The following SPAG17 variants were observed in gnomAD, a reference collection of about 807,000 sequenced individuals.
The protein encoded by SPAG17 is sperm associated antigen 17.
A neutral mutation model predicts 273.6 loss-of-function variants in SPAG17; 169 were observed. The observed-to-expected ratio is 0.62, with a 90% confidence interval of 0.55 to 0.70. The LOEUF is 0.70. SPAG17 is among the 30% of genes least tolerant of loss of function. SPAG17 has a pLI of 0.00. For synonymous variants in SPAG17, 825 were observed against 873.2 expected (o/e 0.94, Z 0.97); for missense variants, 2,557 against 2,627.8 (o/e 0.97, Z 0.59).
rs759225122 is a variant in SPAG17 at position 118,012,378 on chromosome 1, C to T, written c.4288-6G>A. The T allele has an allele frequency of 3.1e-6, 5 of 1,612,220 alleles. No homozygotes were observed. The South Asian group carries it at 3.3e-5, about 11-fold the overall frequency. ...TCTTCTCGAGTTGTCATAACCTGAA[C>T]ATGAAGAGGCAGGACATAATCATTT... is the stretch of plus-strand genomic sequence containing the variant. On this transcript the variant is annotated splice_region_variant and splice_polypyrimidine_tract_variant and intron_variant, in intron 29 of 48. Coordinates refer to ENST00000336338, the MANE Select transcript of SPAG17 (RefSeq NM_206996.4).
chr1:118,005,559 C>G lies in SPAG17; in HGVS notation c.4631G>C (p.Cys1544Ser). Residue 1544 changes from cysteine to serine, a missense_variant, in exon 32 of 49, where the codon TGT (cysteine) becomes TCT (serine). Physicochemically the swap from Cys to Ser is moderately radical, Grantham distance 112. Coordinates refer to ENST00000336338, the MANE Select transcript of SPAG17 (RefSeq NM_206996.4). ...NTGSLYIDKD[C>S]SAVYCHESSS... is the part of the protein sequence containing the mutation. The stretch of plus-strand genomic sequence containing the variant: ...TGACTCATGGCAGTACACAGCTGAA[C>G]AATCCTTGTCAATATAAAGAGAGCC... The G allele has an allele frequency of 6.3e-7, 1 of 1,581,088 alleles. No homozygotes were observed.
chr1:118,099,787 ATCTGGCTCATCG>A lies in SPAG17; in HGVS notation c.636_647del (p.Glu214_Asp217del). 2 of 1,612,260 alleles carry A rather than the reference ATCTGGCTCATCG, an allele frequency of 1.2e-6. No homozygotes were observed. The highest frequency in any genetic ancestry group is 1.7e-6 in the Non-Finnish European group (2 of 1,179,768). On this transcript the variant is annotated inframe_deletion and splice_region_variant, in exon 6 of 49. Coordinates refer to ENST00000336338, the MANE Select transcript of SPAG17 (RefSeq NM_206996.4). The stretch of plus-strand genomic sequence containing the variant: ...CTATAATGTAATGTTGGGCACCATC[ATCTGGCTCATCG>A]TCTGTTCAAAATACCATAAAGAAGA...
intron 48 of SPAG17, chr1:117,959,722 A>G (rs1464125989): frequency 3.8e-6 from 1 of 262,896 alleles, no homozygotes; most frequent in African/African-American, 2.2e-5. Flanking sequence ...TGTTCCCTTT[A>G]TATTCTAGCA....
At chr1:118,099,291 C>T (rs530024829) in intron 6 of SPAG17, among the ~76,000 whole-genome samples, 4 of 152,252 alleles carry the variant, frequency 2.6e-5, no homozygotes, top group African/African-American at 9.6e-5. Context: ...TCCAGCGCAT[C>T]CTTTAGGTAA....
chr1:118,151,129 C>T, intron 2 of SPAG17, 100 bp downstream of exon 2: 1 of 1,076,110 alleles, frequency 9.3e-7, no homozygotes, highest in Non-Finnish European at 1.2e-6. Flanking sequence ...TCAAAATTTA[C>T]AAAACAGCCC....
chr1:118,137,970 T>G (rs1658454164), intron 3 of SPAG17, among the ~76,000 whole-genome samples: 1 of 152,204 alleles, frequency 6.6e-6, no homozygotes, highest in South Asian at 2.1e-4. Context: ...ATATTTCAAT[T>G]GCAACTGTAT....
intron 37 of SPAG17, 25 bp downstream of exon 37, chr1:117,991,390 A>G: frequency 8.2e-6 from 11 of 1,338,336 alleles, no homozygotes; most frequent in Non-Finnish European, 1.2e-5. Context: ...TAGTAAGAAC[A>G]TGGGTATACA....
chr1:118,084,961 G>C (rs1445926573), intron 13 of SPAG17, among the ~76,000 whole-genome samples: 1 of 152,064 alleles, frequency 6.6e-6, no homozygotes, highest in African/African-American at 2.4e-5. Context: ...CATCTTTCTA[G>C]ATACAAATTT....
At chr1:118,146,672 A>T (rs947753434) in intron 3 of SPAG17, among the ~76,000 whole-genome samples, 1 of 152,106 alleles carries the variant, frequency 6.6e-6, no homozygotes, top group African/African-American at 2.4e-5. Context: ...GTCAAGATCT[A>T]CCTATCCAAG....
At chr1:118,118,548 C>T (rs1029272254) in intron 3 of SPAG17, among the ~76,000 whole-genome samples, 2 of 152,178 alleles carry the variant, frequency 1.3e-5, no homozygotes, top group Non-Finnish European at 2.9e-5. Context: ...CAAAAAAGCA[C>T]GAGTCTTAAC....
chr1:117,970,190 TA>T (rs1654395971), intron 45 of SPAG17, 74 bp from the exon 46 acceptor site: 2 of 1,447,632 alleles, frequency 1.4e-6, no homozygotes, highest in African/African-American at 2.9e-5. Context: ...TGGGATGTTA[TA>T]AAATAAGGAA....
intron 10 of SPAG17, among the ~76,000 whole-genome samples, chr1:118,091,320 CT>C (rs1463109474): frequency 6.6e-6 from 1 of 152,156 alleles, no homozygotes; most frequent in Admixed American, 6.5e-5. Flanking sequence ...TGTTCTCTTC[CT>C]TTTCCTCTTC....
At chr1:118,033,259 C>A (rs867681708) in intron 24 of SPAG17, among the ~76,000 whole-genome samples, 2 of 152,188 alleles carry the variant, frequency 1.3e-5, no homozygotes, top group Non-Finnish European at 2.9e-5. Flanking sequence ...TGTGGTGCTA[C>A]AGACATTTCA....
intron 27 of SPAG17, among the ~76,000 whole-genome samples, chr1:118,024,893 C>T (rs770194517): frequency 1.3e-5 from 2 of 152,176 alleles, no homozygotes; most frequent in Non-Finnish European, 2.9e-5. Flanking sequence ...TTATCGAAAT[C>T]TTCTGATCTA....
intron 1 of SPAG17, among the ~76,000 whole-genome samples, chr1:118,176,405 G>A (rs983152510): frequency 2.0e-5 from 3 of 152,118 alleles, no homozygotes; most frequent in South Asian, 2.1e-4. Flanking sequence ...AACAGAGCAC[G>A]AATAGCTATA....
intron 31 of SPAG17, 36 bp downstream of exon 31, chr1:118,008,008 C>A: frequency 1.9e-6 from 3 of 1,612,904 alleles, no homozygotes; most frequent in South Asian, 2.2e-5. Flanking sequence ...AATAGACACT[C>A]ATCTTTGGCG....
intron 1 of SPAG17, among the ~76,000 whole-genome samples, chr1:118,182,078 T>C (rs1358905476): frequency 7.4e-6 from 1 of 135,348 alleles, no homozygotes; most frequent in East Asian, 1.9e-4. Flanking sequence ...GCAACCCAAG[T>C]GCCCATCAAT....
intron 48 of SPAG17, chr1:117,961,869 AG>A (rs1653147463): frequency 6.6e-6 from 1 of 152,520 alleles, no homozygotes; most frequent in Admixed American, 6.6e-5. Flanking sequence ...AGTGTTGTTT[AG>A]GCAGCTATTC....
intron 4 of SPAG17, among the ~76,000 whole-genome samples, 199 bp downstream of exon 4, chr1:118,115,111 G>A (rs201148183): frequency 9.9e-5 from 15 of 152,106 alleles, no homozygotes; most frequent in East Asian, 3.9e-4. Flanking sequence ...CATATTTTAC[G>A]GAACCTATTT....
Sources: allele counts gnomAD v4.1 joint callset (sites outside exome capture counted in the v4.1 genomes callset), GRCh38; gene constraint gnomAD v4.1.1; transcripts MANE v1.5; gene names NCBI Gene and HGNC (gene_info 2026-07-23, HGNC 2026-07-21).